The following TSPAN16 variants were observed in gnomAD, a reference collection of about 807,000 sequenced individuals.
TSPAN16 encodes the protein tetraspanin-16.
A neutral mutation model predicts 25.2 loss-of-function variants in TSPAN16; 23 were observed. The ratio of observed to expected loss-of-function variants is 0.91; its 90% CI spans 0.66 to 1.29. The LOEUF (loss-of-function observed/expected upper bound fraction) is 1.29. TSPAN16 is among the 50% of genes most tolerant of loss of function. The pLI is 0.00. For missense variants in TSPAN16, 272 were observed against 299.9 expected (o/e 0.91, Z 0.69); for synonymous variants, 123 against 124.4 (o/e 0.99, Z 0.08).
At chr19:11,319,611 CA>C (rs781281432), downstream of TSPAN16, among the ~76,000 whole-genome samples, 10 of 149,668 alleles carry the variant, frequency 6.7e-5, no homozygotes, top group Non-Finnish European at 1.5e-4. Context: ...ACAAACAAAA[CA>C]AAACAAAACA....
At chr19:11,299,060 ACC>A in intron 3 of TSPAN16, 114 bp downstream of exon 3, 1 of 1,025,900 alleles carries the variant, frequency 9.7e-7, no homozygotes. Context: ...CTGGTGGATC[ACC>A]TGAGGTCATG....
chr19:11,298,565 G>A (rs1325340642), intron 2 of TSPAN16, among the ~76,000 whole-genome samples: 1 of 151,984 alleles, frequency 6.6e-6, no homozygotes, highest in Non-Finnish European at 1.5e-5. Flanking sequence ...CTCCCGAGTA[G>A]CTGGGATTAC....
At chr19:11,308,531 C>T (rs146803363) in intron 5 of TSPAN16, among the ~76,000 whole-genome samples, 32 of 150,882 alleles carry the variant, frequency 2.1e-4, no homozygotes, top group African/African-American at 6.1e-4. Flanking sequence ...AGTGCAGTAG[C>T]GCAATCTTGG....
At chr19:11,302,901 T>C (rs1239552712) in intron 4 of TSPAN16, among the ~76,000 whole-genome samples, 2 of 146,628 alleles carry the variant, frequency 1.4e-5, no homozygotes, top group Non-Finnish European at 3.0e-5. Context: ...TTTTTTTTTT[T>C]TGTAGATATG....
rs760081543 is a variant in TSPAN16 at position 11,298,219 on chromosome 19, G to A, written c.147G>A (p.Leu49=). Residue 49 remains leucine, a synonymous_variant, in exon 2 of 7, where the codon CTG becomes CTA. Transcript: ENST00000590327. ...GGASLTNVLG[L]SSAYLLHVGN... ...CCTCTCTGACGAATGTCCTCGGGCT[G>A]TCCTCCGCATACCTCCTTCACGTTG... is the stretch of plus-strand genomic sequence containing the variant. 1 of 1,614,168 alleles carries A rather than the reference G, an allele frequency of 6.2e-7. No homozygotes were observed. The highest frequency in any genetic ancestry group is 1.1e-5 in the South Asian group (1 of 91,086).
chr19:11,309,597 A>G (rs1241935570), intron 5 of TSPAN16, among the ~76,000 whole-genome samples: 1 of 152,176 alleles, frequency 6.6e-6, no homozygotes, highest in Non-Finnish European at 1.5e-5. Flanking sequence ...CTTCCCATCT[A>G]TAAAAGTATC....
intron 6 of TSPAN16, among the ~76,000 whole-genome samples, chr19:11,321,621 T>C (rs940316301): frequency 2.6e-5 from 4 of 152,024 alleles, no homozygotes; most frequent in South Asian, 2.1e-4. Context: ...TAGCAGCAAG[T>C]AGGCCAGAGT....
At chr19:11,307,672 C>T (rs187952163) in intron 5 of TSPAN16, among the ~76,000 whole-genome samples, 1 of 152,262 alleles carries the variant, frequency 6.6e-6, no homozygotes, top group East Asian at 1.9e-4. Context: ...AAGCAATCCT[C>T]CTGCCTCAGC....
chr19:11,306,750 C>G lies in TSPAN16; in HGVS notation c.597C>G (p.His199Gln). 1 of 1,613,620 alleles carries G rather than the reference C, an allele frequency of 6.2e-7. No individual in the cohort carries two copies. The highest frequency in any genetic ancestry group is 8.5e-7 in the Non-Finnish European group (1 of 1,179,714). ...GCGATGTGTCTCCAAACGTCATCCA[C>G]CAGAAGGTAACTGGAGATTTTGTGT... ...DGRDVSPNVI[H>Q]QKGCFHKLLK... Residue 199 changes from histidine (H) to glutamine (Q), a missense_variant, in exon 5 of 7, where the codon CAC (histidine) becomes CAG (glutamine). Coordinates refer to ENST00000590327, the MANE Select transcript of TSPAN16 (RefSeq NM_001282509.2).
At chr19:11,299,985 G>GAAAAAAAAAAAAAA (rs60293071) in intron 3 of TSPAN16, among the ~76,000 whole-genome samples, 1 of 107,762 alleles carries the variant, frequency 9.3e-6, no homozygotes, top group Non-Finnish European at 2.1e-5. Flanking sequence ...CTCAAAAAAA[G>GAAAAAAAAAAAAAA]AAAAAAAAAA....
chr19:11,301,983 CT>C (rs891463124), intron 4 of TSPAN16, among the ~76,000 whole-genome samples: 4 of 142,140 alleles, frequency 2.8e-5, no homozygotes, highest in African/African-American at 1.1e-4. Flanking sequence ...ACCACCACAC[CT>C]GGCTAATTTT....
chr19:11,324,984 C>T, intron 6 of TSPAN16: 1 of 157,626 alleles, frequency 6.3e-6, no homozygotes, highest in Non-Finnish European at 1.4e-5. Flanking sequence ...GGAAGATGAA[C>T]CATCTTCCAC....
chr19:11,318,468 ATCT>A (rs74180017), downstream of TSPAN16, among the ~76,000 whole-genome samples: 41,716 of 151,386 alleles, frequency 0.28, 5,731 homozygotes, highest in Middle Eastern at 0.31. Context: ...CCAGATCCTG[ATCT>A]TCTAATTTAA....
downstream of TSPAN16, chr19:11,316,110 T>A: frequency 3.0e-6 from 1 of 337,928 alleles, no homozygotes; most frequent in Non-Finnish European, 4.6e-6. Context: ...TGTGTGTGTG[T>A]GTGTGTGGTT....
chr19:11,298,341 TA>T lies in TSPAN16; in HGVS notation c.267+4del, dbSNP rs745455571. On this transcript the variant is annotated splice_donor_region_variant and intron_variant, in intron 2 of 6. Transcript: ENST00000590327. ...GAGAGCAGAGGCACGCTCTTGTTTG[TA>T]AGTTGGATCTGCACACAGACCCCAG... 2.0e-5 allele frequency: 33 copies of T among 1,613,286 alleles called. No homozygotes were observed. The highest frequency in any genetic ancestry group is 2.5e-5 in the Non-Finnish European group (30 of 1,179,940).
chr19:11,323,057 A>G (rs1478174618), intron 6 of TSPAN16: 1 of 151,286 alleles, frequency 6.6e-6, no homozygotes, highest in Non-Finnish European at 1.5e-5. Flanking sequence ...GGTTGCAGTG[A>G]GCTGAGATCA....
At chr19:11,304,840 G>A (rs1405650124) in intron 4 of TSPAN16, among the ~76,000 whole-genome samples, 1 of 151,916 alleles carries the variant, frequency 6.6e-6, no homozygotes, top group Non-Finnish European at 1.5e-5. Context: ...TTTTAGTAGA[G>A]ACCTTTCAGC....
chr19:11,306,960 C>G (rs2080635062), intron 5 of TSPAN16: 1 of 504,942 alleles, frequency 2.0e-6, no homozygotes, highest in Admixed American at 3.4e-5. Context: ...GGATCACAGG[C>G]ATGCACCGCC....
chr19:11,305,637 T>C (rs141037860), intron 4 of TSPAN16, among the ~76,000 whole-genome samples: 2,198 of 151,416 alleles, frequency 0.015, 37 homozygotes, highest in African/African-American at 0.049. Context: ...GAGGCTGAGA[T>C]GGGTGGATCG....
Sources: gnomAD v4.1 joint callset for allele counts (sites outside exome capture counted in the v4.1 genomes callset) on GRCh38, gnomAD v4.1.1 for gene constraint, MANE v1.5 for transcripts, NCBI Gene and HGNC (gene_info 2026-07-23, HGNC 2026-07-21) for gene names.